The following RANBP17 variants were observed in gnomAD, a reference collection of about 807,000 sequenced individuals.
The protein encoded by RANBP17 is RAN binding protein 17.
RANBP17 carries 158 observed loss-of-function variants against 141.2 expected under a neutral mutation model. The observed-to-expected ratio is 1.12, with a 90% CI of 0.98 to 1.28. RANBP17 has a LOEUF of 1.28. Ranked by LOEUF, RANBP17 falls within the 50% of genes most tolerant of loss-of-function variation. RANBP17 has a pLI of 0.00. For missense variants in RANBP17, 1,438 were observed against 1,290.7 expected (o/e 1.11, Z -1.75); for synonymous variants, 430 against 450.0 (o/e 0.96, Z 0.56).
chr5:170,866,672 C>T (rs1418781779), intron 1 of RANBP17, among the ~76,000 whole-genome samples: 1 of 148,042 alleles, frequency 6.8e-6, no homozygotes, highest in Non-Finnish European at 1.5e-5. Flanking sequence ...GAGACTCCAT[C>T]TCAACAAAAA....
chr5:171,073,310 G>T (rs1471524884), intron 14 of RANBP17, among the ~76,000 whole-genome samples: 1 of 152,106 alleles, frequency 6.6e-6, no homozygotes, highest in African/African-American at 2.4e-5. Context: ...TGGAAAACAG[G>T]TAATGTTTTG....
intron 25 of RANBP17, among the ~76,000 whole-genome samples, chr5:171,270,669 G>A (rs1297297598): frequency 6.6e-6 from 1 of 152,056 alleles, no homozygotes; most frequent in Admixed American, 6.6e-5. Context: ...GAAAGATTTT[G>A]CCCAAATTAG....
At chr5:170,891,620 A>T (rs1293831879) in intron 3 of RANBP17, among the ~76,000 whole-genome samples, 2 of 152,196 alleles carry the variant, frequency 1.3e-5, no homozygotes, top group African/African-American at 2.4e-5. Flanking sequence ...CAATTATGGC[A>T]GTAGGTGAAG....
chr5:171,056,856 A>G (rs1274918473), intron 14 of RANBP17, among the ~76,000 whole-genome samples: 2 of 152,176 alleles, frequency 1.3e-5, no homozygotes, highest in East Asian at 3.8e-4. Flanking sequence ...TTACTCATTA[A>G]GGGGAAGACA....
chr5:170,976,044 A>G (rs1038124276), intron 14 of RANBP17, among the ~76,000 whole-genome samples: 5 of 152,120 alleles, frequency 3.3e-5, no homozygotes, highest in Non-Finnish European at 7.4e-5. Flanking sequence ...AAAGGAATCT[A>G]GGAATAAAGG....
intron 12 of RANBP17, among the ~76,000 whole-genome samples, chr5:170,929,030 G>A (rs1235742924): frequency 6.6e-6 from 1 of 151,940 alleles, no homozygotes; most frequent in African/African-American, 2.4e-5. Flanking sequence ...TATTTTTGAT[G>A]CTATTGTAAA....
At chr5:170,872,883 G>T (rs1005752291) in intron 1 of RANBP17, among the ~76,000 whole-genome samples, 2 of 152,014 alleles carry the variant, frequency 1.3e-5, no homozygotes, top group East Asian at 3.8e-4. Flanking sequence ...GGATGAAGTC[G>T]ACTTGATTGT....
intron 9 of RANBP17, 124 bp from the exon 10 acceptor site, chr5:170,918,589 A>C: frequency 1.6e-6 from 1 of 634,646 alleles, no homozygotes; most frequent in Non-Finnish European, 2.4e-6. Context: ...TAACTACCCA[A>C]TTGACACAGA....
intron 14 of RANBP17, among the ~76,000 whole-genome samples, chr5:171,042,784 G>T (rs1306667187): frequency 6.6e-6 from 1 of 151,996 alleles, no homozygotes; most frequent in Non-Finnish European, 1.5e-5. Context: ...CTCTAGGGGG[G>T]GTCATCATCT....
intron 14 of RANBP17, among the ~76,000 whole-genome samples, chr5:171,049,873 C>T (rs536201175): frequency 1.9e-4 from 29 of 152,044 alleles, no homozygotes; most frequent in Non-Finnish European, 3.5e-4. Context: ...TTACTGTAGC[C>T]TTGTATTATA....
intron 1 of RANBP17, among the ~76,000 whole-genome samples, chr5:170,872,725 G>T (rs1057393161): frequency 6.6e-6 from 1 of 152,124 alleles, no homozygotes; most frequent in Admixed American, 6.5e-5. Context: ...ATGCAGGGTT[G>T]TTGAATTTTC....
intron 14 of RANBP17, among the ~76,000 whole-genome samples, chr5:170,988,633 T>C (rs534074250): frequency 1.3e-5 from 2 of 151,836 alleles, no homozygotes; most frequent in East Asian, 3.9e-4. Context: ...ATCAGAAGGC[T>C]AGGGCCACAA....
At chr5:170,994,417 G>A (rs1399974211) in intron 14 of RANBP17, among the ~76,000 whole-genome samples, 2 of 152,044 alleles carry the variant, frequency 1.3e-5, no homozygotes, top group Non-Finnish European at 2.9e-5. Flanking sequence ...TTAGACTTCT[G>A]TAAATTTTAA....
chr5:171,003,183 T>C (rs1014090438), intron 14 of RANBP17, among the ~76,000 whole-genome samples: 5 of 152,142 alleles, frequency 3.3e-5, no homozygotes, highest in Non-Finnish European at 7.3e-5. Flanking sequence ...CTGGTCCTTG[T>C]GTAAGAATTC....
chr5:171,246,850 A>T (rs556511129), intron 24 of RANBP17, among the ~76,000 whole-genome samples: 1 of 152,286 alleles, frequency 6.6e-6, no homozygotes, highest in African/African-American at 2.4e-5. Flanking sequence ...TAGGTGTTTC[A>T]TGTGGATACT....
chr5:170,899,217 C>T (rs1461994160), intron 5 of RANBP17, among the ~76,000 whole-genome samples: 2 of 152,088 alleles, frequency 1.3e-5, no homozygotes, highest in South Asian at 4.1e-4. Context: ...TTGTAGTTCT[C>T]CTTGAAGAGG....
intron 24 of RANBP17, chr5:171,252,643 G>A (rs867273478): frequency 2.9e-6 from 4 of 1,363,778 alleles, no homozygotes; most frequent in Middle Eastern, 1.8e-4. Flanking sequence ...CTCTTACCAG[G>A]TAGTTTTTCC....
intron 14 of RANBP17, among the ~76,000 whole-genome samples, chr5:171,142,324 T>C (rs1206044934): frequency 6.6e-6 from 1 of 152,156 alleles, no homozygotes; most frequent in Non-Finnish European, 1.5e-5. Context: ...TAAACAGTAA[T>C]TGAAGAAAAA....
chr5:171,180,290 A>C (rs937309451), intron 16 of RANBP17, among the ~76,000 whole-genome samples: 3 of 152,230 alleles, frequency 2.0e-5, no homozygotes, highest in Non-Finnish European at 4.4e-5. Context: ...TGGATCTGAT[A>C]TAGCCTAGTG....
Sources: allele counts gnomAD v4.1 joint callset (sites outside exome capture counted in the v4.1 genomes callset), GRCh38; gene constraint gnomAD v4.1.1; transcripts MANE v1.5; gene names NCBI Gene and HGNC (gene_info 2026-07-23, HGNC 2026-07-21).